The following MYOM1 variants were observed in gnomAD, a reference collection of about 807,000 sequenced individuals.
MYOM1 encodes myomesin-1.
A neutral mutation model predicts 205.3 loss-of-function variants in MYOM1; 164 were observed. The observed-to-expected ratio is 0.80, with a 90% CI of 0.70 to 0.91. The LOEUF is 0.91. MYOM1 is among the 40% of genes least tolerant of loss of function. The pLI, the probability that MYOM1 is intolerant of heterozygous loss-of-function variation, is 0.00. For synonymous variants in MYOM1, 772 were observed against 789.4 expected (o/e 0.98, Z 0.37); for missense variants, 2,011 against 2,127.3 (o/e 0.95, Z 1.08).
chr18:3,160,284 C>A (rs2080372062), intron 10 of MYOM1, among the ~76,000 whole-genome samples: 1 of 151,948 alleles, frequency 6.6e-6, no homozygotes, highest in South Asian at 2.1e-4. Context: ...ACCTCTTGGG[C>A]TCAAGCAATC....
chr18:3,100,133 C>T (rs759134432), intron 25 of MYOM1, 26 bp downstream of exon 25: 36 of 1,612,986 alleles, frequency 2.2e-5, no homozygotes, highest in Middle Eastern at 1.8e-4. Context: ...CTGCTAAAAA[C>T]CTGTGAATGT....
rs1491422877 is a variant in MYOM1 at position 3,209,990 on chromosome 18, A to AATT, written c.290+4943_290+4944insAAT. 1.3e-5 allele frequency among the ~76,000 whole-genome samples: 2 copies of AATT among 152,236 alleles called. No homozygotes were observed. Among genetic ancestry groups the AATT allele is most frequent in the Admixed American group, 1.3e-4 (2 of 15,280 alleles). On this transcript the variant is annotated intron_variant, in intron 2 of 37. Coordinates refer to ENST00000356443, the MANE Select transcript of MYOM1 (RefSeq NM_003803.4). This position sits in a 1 kb window ranked among gnomAD's most constrained non-coding sequence, Gnocchi z 4.0. ...ATTGAATGAATGACTCATAATGCCTAAACCTCACTGGGTGTTCCCCCTGTG... is the reference window on the plus strand; with the variant it reads ...ATTGAATGAATGACTCATAATGCCTAATTAACCTCACTGGGTGTTCCCCCTGTG...
chr18:3,118,750 T>G (rs1240719718), intron 20 of MYOM1, among the ~76,000 whole-genome samples: 1 of 152,160 alleles, frequency 6.6e-6, no homozygotes, highest in East Asian at 1.9e-4. Context: ...ATAGACCCAC[T>G]TTTATGCAGG....
chr18:3,196,289 C>T (rs1019899875), intron 2 of MYOM1, among the ~76,000 whole-genome samples: 1 of 152,194 alleles, frequency 6.6e-6, no homozygotes, highest in Non-Finnish European at 1.5e-5. Flanking sequence ...ACATCTTACT[C>T]TATCAAATTT....
chr18:3,208,701 T>C (rs145792749), intron 2 of MYOM1, among the ~76,000 whole-genome samples: 2,122 of 152,274 alleles, frequency 0.014, 21 homozygotes, highest in Middle Eastern at 0.02. Flanking sequence ...TTGTTACCCA[T>C]GAACTATGAT....
intron 20 of MYOM1, among the ~76,000 whole-genome samples, chr18:3,116,785 G>A (rs2079613183): frequency 6.6e-6 from 1 of 152,110 alleles, no homozygotes; most frequent in Middle Eastern, 3.2e-3. Context: ...TTCCCTTCAG[G>A]CCATTCTCTG....
At chr18:3,067,832 T>C (rs1308129255) in intron 37 of MYOM1, among the ~76,000 whole-genome samples, 1 of 152,234 alleles carries the variant, frequency 6.6e-6, no homozygotes, top group Non-Finnish European at 1.5e-5. Context: ...CGAAAGAGTT[T>C]ATGTCTATTC....
At chr18:3,074,379 G>C (rs1840506902) in intron 36 of MYOM1, among the ~76,000 whole-genome samples, 1 of 152,190 alleles carries the variant, frequency 6.6e-6, no homozygotes, top group Admixed American at 6.5e-5. Context: ...AGCCCTGTGG[G>C]GAAGGATGAC....
chr18:3,067,626 C>G lies in MYOM1; in HGVS notation c.4765-71G>C, dbSNP rs145887177. The stretch of plus-strand genomic sequence containing the variant: ...ATAGACACACTGTCAACAATCTTGC[C>G]GGCTGGTGGCTTGGCATGACCAAAG... On this transcript the variant is annotated intron_variant, in intron 37 of 37. Transcript: ENST00000356443. The G allele has an allele frequency of 1.2e-5, 19 of 1,521,350 alleles. No individual in the cohort carries two copies. In the African/African-American group the frequency reaches 2.5e-4, roughly 20 times the overall value. 94.2% of individuals were successfully genotyped at this position (1,521,350 alleles called of 1,614,324 possible). A position where few individuals can be genotyped will look rare whatever the true frequency, so the allele number is the denominator to read the frequency against.
At chr18:3,131,354 A>G (rs749918426) in intron 17 of MYOM1, 21 bp downstream of exon 17, 4 of 1,612,242 alleles carry the variant, frequency 2.5e-6, no homozygotes, top group South Asian at 2.2e-5. Context: ...TCCCCCATAC[A>G]GTTATGCATA....
chr18:3,208,192 A>T (rs970773707), intron 2 of MYOM1, among the ~76,000 whole-genome samples: 9 of 152,136 alleles, frequency 5.9e-5, no homozygotes, highest in African/African-American at 2.2e-4. Context: ...CCTTGGATTT[A>T]GGGTTGGTCT....
At position 3,201,490 on chromosome 18, in the gene MYOM1, G is replaced by A. The variant is rs367596095; in HGVS notation, c.291-7532C>T. On this transcript the variant is annotated intron_variant, in intron 2 of 37. Transcript: ENST00000356443. ...GAGAACAACCAGACAGTAAATAATTGGGTAAATACAAAAGACAGTGTGTGT... is the reference window on the plus strand; with the variant it reads ...GAGAACAACCAGACAGTAAATAATTAGGTAAATACAAAAGACAGTGTGTGT... 8.8e-4 allele frequency among the ~76,000 whole-genome samples: 133 copies of A among 151,904 alleles called. 2 individuals are homozygous for A. The highest frequency in any genetic ancestry group is 3.0e-3 in the African/African-American group (125 of 41,414).
chr18:3,246,683 G>A, the MYOM1 span: 1 of 152,294 alleles, frequency 6.6e-6, no homozygotes, highest in African/African-American at 2.4e-5. Context: ...AAGGATTCAA[G>A]TGGCGGCCTG....
chr18:3,154,928 T>A lies in MYOM1; in HGVS notation c.1643+19A>T. 3 of 1,605,326 alleles carry A rather than the reference T, an allele frequency of 1.9e-6. No homozygotes were observed. In the African/African-American group the frequency reaches 4.0e-5, roughly 21 times the overall value. On this transcript the variant is annotated intron_variant, in intron 11 of 37. Transcript: ENST00000356443. ...TCTATGACCAAATAACTGTAATTGATGTTAGCCTAAGCACTAACTTATCAA... is the reference window on the plus strand; with the variant it reads ...TCTATGACCAAATAACTGTAATTGAAGTTAGCCTAAGCACTAACTTATCAA...
intron 14 of MYOM1, 78 bp downstream of exon 14, chr18:3,141,861 C>T: frequency 6.4e-7 from 1 of 1,574,368 alleles, no homozygotes; most frequent in South Asian, 1.1e-5. Flanking sequence ...ACTCCATTGT[C>T]CCTGGGAATT....
rs936337449 is a variant in MYOM1, at chr18:3,171,609, GC to G, written c.1174+2328del. Among the ~76,000 whole-genome samples, 21 of 151,982 alleles carry G rather than the reference GC, an allele frequency of 1.4e-4. 1 individual carries two copies. The highest frequency in any genetic ancestry group is 5.1e-4 in the African/African-American group (21 of 41,424). On this transcript the variant is annotated intron_variant, in intron 8 of 37. Transcript: ENST00000356443. ...ACTATCCTGAGAAAAATGGTTTAGG[GC>G]AGGGGTTGGCAAGTCTGTGGGGCAA...
intron 5 of MYOM1, among the ~76,000 whole-genome samples, chr18:3,183,501 G>A (rs555940577): frequency 6.6e-6 from 1 of 152,300 alleles, no homozygotes; most frequent in Non-Finnish European, 1.5e-5. Flanking sequence ...AGTGGAAACT[G>A]GTTGGTTGGT....
chr18:3,188,178 C>T (rs115758660), intron 4 of MYOM1, among the ~76,000 whole-genome samples: 2,369 of 152,182 alleles, frequency 0.016, 52 homozygotes, highest in African/African-American at 0.052. Flanking sequence ...TTAAGGCTCT[C>T]TAAAATCTTT....
At chr18:3,167,389 T>A (rs1389502460) in intron 9 of MYOM1, among the ~76,000 whole-genome samples, 1 of 152,208 alleles carries the variant, frequency 6.6e-6, no homozygotes, top group Non-Finnish European at 1.5e-5. Context: ...TGTTTTTTGT[T>A]TTGTTTTGTT....
Sources: gnomAD v4.1 joint callset for allele counts (sites outside exome capture counted in the v4.1 genomes callset) on GRCh38, gnomAD v4.1.1 for gene constraint, Gnocchi (gnomAD v3.1) non-coding constraint, MANE v1.5 for transcripts, NCBI Gene and HGNC (gene_info 2026-07-23, HGNC 2026-07-21) for gene names.